Variants in AK9 observed in about 807,000 individuals in gnomAD.
AK9 encodes the protein adenylate kinase domain containing 1.
AK9 carries 191 observed loss-of-function variants against 239.6 expected under a neutral mutation model. The ratio of observed to expected loss-of-function variants is 0.80; its 90% CI spans 0.71 to 0.90. The LOEUF (loss-of-function observed/expected upper bound fraction) is 0.90. Among genes scored for constraint, AK9 ranks in the 40% least tolerant of loss-of-function variants. The pLI is 0.00. For synonymous variants in AK9, 689 were observed against 721.0 expected, an observed-to-expected ratio of 0.96 and a Z score of 0.71; for missense variants, 1,995 against 2,214.7, an observed-to-expected ratio of 0.90 and a Z score of 1.99.
At chr6:109,527,988 T>A (rs1323314656) in intron 29 of AK9, 1 of 152,324 alleles carries the variant, frequency 6.6e-6, no homozygotes, top group Admixed American at 6.5e-5. Context: ...AGCCCTAGGT[T>A]TACAGAGGCT....
intron 17 of AK9, among the ~76,000 whole-genome samples, chr6:109,588,733 T>G (rs1318550978): frequency 6.6e-6 from 1 of 152,154 alleles, no homozygotes; most frequent in East Asian, 1.9e-4. Context: ...TTTAAGTTTT[T>G]AACCCATGTT....
chr6:109,674,099 G>T, intron 3 of AK9, 99 bp downstream of exon 3: 1 of 839,698 alleles, frequency 1.2e-6, no homozygotes, highest in Non-Finnish European at 1.7e-6. Context: ...ACAGACTCTA[G>T]ATGGTGAGTA....
chr6:109,547,142 G>C (rs762459954), intron 25 of AK9, among the ~76,000 whole-genome samples: 1 of 152,166 alleles, frequency 6.6e-6, no homozygotes. Flanking sequence ...GTGGATTGGG[G>C]CTTCTTTGTG....
intron 35 of AK9, among the ~76,000 whole-genome samples, chr6:109,501,675 A>T (rs1296489620): frequency 9.9e-5 from 15 of 152,248 alleles, no homozygotes; most frequent in Admixed American, 9.2e-4. Flanking sequence ...ATAAAGTGAC[A>T]GTATTTTCCA....
At chr6:109,495,577 G>GTGCACTTCCA in intron 38 of AK9, 137 bp from the exon 39 acceptor site, 2 of 535,108 alleles carry the variant, frequency 3.7e-6, no homozygotes, top group Non-Finnish European at 3.1e-6. Context: ...TGGGAATGCT[G>GTGCACTTCCA]GGGCTCCTGG....
At chr6:109,604,438 T>C (rs1792567621) in intron 17 of AK9, among the ~76,000 whole-genome samples, 2 of 152,230 alleles carry the variant, frequency 1.3e-5, no homozygotes, top group South Asian at 4.1e-4. Context: ...AGAATCTAAA[T>C]AGTTTCTTCC....
chr6:109,531,488 T>A (rs1342515439), intron 28 of AK9, among the ~76,000 whole-genome samples: 1 of 152,076 alleles, frequency 6.6e-6, no homozygotes, highest in African/African-American at 2.4e-5. Context: ...AGCTGTTCTG[T>A]CCAGTACAAC....
chr6:109,623,909 C>CACAT (rs1795184226), intron 12 of AK9, among the ~76,000 whole-genome samples: 1 of 126,076 alleles, frequency 7.9e-6, no homozygotes, highest in Admixed American at 8.4e-5. Flanking sequence ...ACACACATTT[C>CACAT]TTCTCCCACA....
At chr6:109,519,321 G>A (rs971256440) in intron 29 of AK9, among the ~76,000 whole-genome samples, 2 of 152,134 alleles carry the variant, frequency 1.3e-5, no homozygotes, top group Admixed American at 6.5e-5. Context: ...ATTTTCTTTT[G>A]TATATATACC....
At chr6:109,536,917 C>T (rs1010944765) in intron 27 of AK9, among the ~76,000 whole-genome samples, 9 of 152,060 alleles carry the variant, frequency 5.9e-5, no homozygotes, top group African/African-American at 2.2e-4. Context: ...TATTGATTTG[C>T]GTATGTTGAA....
intron 35 of AK9, among the ~76,000 whole-genome samples, chr6:109,501,056 G>T (rs762440016): frequency 8.5e-5 from 13 of 152,216 alleles, no homozygotes; most frequent in Admixed American, 2.0e-4. Context: ...CCCTCACAGT[G>T]TCTGGAGAAG....
At chr6:109,535,175 C>T (rs529029238) in intron 27 of AK9, among the ~76,000 whole-genome samples, 21 of 152,272 alleles carry the variant, frequency 1.4e-4, no homozygotes, top group Middle Eastern at 3.4e-3. Context: ...CTTGAGGAAT[C>T]GCCACACTGT....
intron 2 of AK9, 135 bp from the exon 3 acceptor site, chr6:109,674,396 A>C (rs1287653471): frequency 1.7e-6 from 1 of 592,610 alleles, no homozygotes; most frequent in Non-Finnish European, 2.8e-6. Context: ...AAAATGAAGA[A>C]TAGACCCTAG....
At chr6:109,614,532 A>G (rs920583231) in intron 13 of AK9, 52 bp from the exon 14 acceptor site, 35 of 1,454,160 alleles carry the variant, frequency 2.4e-5, no homozygotes, top group Non-Finnish European at 3.2e-5. Flanking sequence ...GGATAGAAAA[A>G]CAGGTAGAGT....
intron 25 of AK9, among the ~76,000 whole-genome samples, chr6:109,547,590 G>C (rs1582945722): frequency 6.6e-6 from 1 of 152,060 alleles, no homozygotes; most frequent in East Asian, 1.9e-4. Flanking sequence ...ATATAAAACT[G>C]CTAGAAGAAA....
At chr6:109,582,957 C>T (rs1168564262) in intron 19 of AK9, among the ~76,000 whole-genome samples, 1 of 152,162 alleles carries the variant, frequency 6.6e-6, no homozygotes, top group Non-Finnish European at 1.5e-5. Flanking sequence ...ATGATTGACT[C>T]ACTAAAGGCT....
chr6:109,505,749 A>T (rs1400474041), intron 35 of AK9, among the ~76,000 whole-genome samples: 1 of 152,232 alleles, frequency 6.6e-6, no homozygotes, highest in Non-Finnish European at 1.5e-5. Flanking sequence ...TAGGCATTCA[A>T]TAAATGATAG....
At chr6:109,496,821 G>A (rs944713552) in intron 38 of AK9, among the ~76,000 whole-genome samples, 2 of 152,132 alleles carry the variant, frequency 1.3e-5, no homozygotes, top group Non-Finnish European at 2.9e-5. Flanking sequence ...CTACACTTTA[G>A]TAGTGGTCTG....
intron 27 of AK9, among the ~76,000 whole-genome samples, chr6:109,538,551 CTT>C (rs1296680876): frequency 3.3e-5 from 5 of 152,008 alleles, no homozygotes; most frequent in African/African-American, 7.3e-5. Context: ...GGTCTTGACT[CTT>C]TATCCAATTT....
Sources: gnomAD v4.1 joint callset for allele counts (sites outside exome capture counted in the v4.1 genomes callset) on GRCh38, gnomAD v4.1.1 for gene constraint, MANE v1.5 for transcripts, NCBI Gene and HGNC (gene_info 2026-07-23, HGNC 2026-07-21) for gene names.